Variants in PRKN observed in about 807,000 individuals in gnomAD.
PRKN encodes parkin RBR E3 ubiquitin protein ligase.
In PRKN, 56 loss-of-function variants were observed where a neutral mutation model predicts 59.5. The ratio of observed to expected loss-of-function variants is 0.94; its 90% CI spans 0.76 to 1.18. PRKN has a LOEUF of 1.18. Ranked by LOEUF, PRKN falls within the 50% of genes most tolerant of loss-of-function variation. The pLI is 0.00. For synonymous variants in PRKN, 250 were observed against 222.1 expected (o/e 1.13, Z -1.12); for missense variants, 657 against 596.4 (o/e 1.10, Z -1.06).
Position 161,444,954 on chromosome 6 carries a change from A to G in PRKN, c.1084-58077T>C, listed in dbSNP as rs1382461633. ...CCAGTCTTCATTTTCATTTATCCTT[A>G]GCATGGTCTTTTCTAAAAAGGGCAT... is the stretch of plus-strand genomic sequence containing the variant. On this transcript the variant is annotated intron_variant, in intron 9 of 11. Coordinates refer to ENST00000366898, the MANE Select transcript of PRKN (RefSeq NM_004562.3). The surrounding 1 kb of genome is among the most constrained non-coding windows in gnomAD (Gnocchi z 5.6). Among the ~76,000 whole-genome samples the G allele has an allele frequency of 6.6e-6, 1 of 152,134 alleles. No homozygotes were observed. The highest frequency in any genetic ancestry group is 1.5e-5 in the Non-Finnish European group (1 of 68,018).
intron 3 of PRKN, among the ~76,000 whole-genome samples, chr6:162,236,005 G>GAAAGAAAGAA (rs1778689300): frequency 5.5e-5 from 8 of 144,298 alleles, no homozygotes; most frequent in Admixed American, 5.5e-4. Flanking sequence ...AAGAAAGAAA[G>GAAAGAAAGAA]AAAGAAAGAA....
chr6:162,612,040 A>C (rs868746724), intron 1 of PRKN, among the ~76,000 whole-genome samples: 17 of 151,544 alleles, frequency 1.1e-4, no homozygotes, highest in Middle Eastern at 6.8e-3. Context: ...GAAAAAAAAA[A>C]AAATTAGCTG....
At chr6:161,422,204 T>C (rs1718435452) in intron 9 of PRKN, among the ~76,000 whole-genome samples, 2 of 150,020 alleles carry the variant, frequency 1.3e-5, no homozygotes, top group Admixed American at 6.6e-5. Flanking sequence ...AATCTTTTTT[T>C]TTTTTTTTTT....
chr6:162,461,779 T>A (rs1367018188), intron 1 of PRKN, among the ~76,000 whole-genome samples: 1 of 149,416 alleles, frequency 6.7e-6, no homozygotes, highest in Non-Finnish European at 1.5e-5. Context: ...TGAGCCAAGA[T>A]CACGCCACTG....
chr6:161,914,666 A>G (rs1159721446), intron 6 of PRKN, among the ~76,000 whole-genome samples: 2 of 152,116 alleles, frequency 1.3e-5, no homozygotes, highest in Non-Finnish European at 2.9e-5. Context: ...CTTTGGCCTC[A>G]TACATGGATA....
intron 6 of PRKN, among the ~76,000 whole-genome samples, chr6:161,954,798 G>A (rs1208655571): frequency 1.3e-5 from 2 of 152,158 alleles, no homozygotes; most frequent in Non-Finnish European, 2.9e-5. Context: ...CTTTATCTCT[G>A]TACAACCAGA....
Position 161,450,452 on chromosome 6 carries a change from A to G in PRKN, c.1084-63575T>C, listed in dbSNP as rs1001923940. 3.4e-4 allele frequency among the ~76,000 whole-genome samples: 52 copies of G among 152,346 alleles called. 1 individual carries two copies. Among genetic ancestry groups the G allele is most frequent in the East Asian group, 3.9e-4 (2 of 5,192 alleles). On this transcript the variant is annotated intron_variant, in intron 9 of 11. Coordinates refer to ENST00000366898, the MANE Select transcript of PRKN (RefSeq NM_004562.3). Reference sequence around the variant, plus strand: ...CATTTACCCTACTTTGCAATACATAACAATCTGCACTGGTGTTTCCAATGC... The same window carrying G: ...CATTTACCCTACTTTGCAATACATAGCAATCTGCACTGGTGTTTCCAATGC...
chr6:162,480,443 G>A (rs1450413589), intron 1 of PRKN, among the ~76,000 whole-genome samples: 1 of 152,140 alleles, frequency 6.6e-6, no homozygotes, highest in African/African-American at 2.4e-5. Flanking sequence ...GGAAGAAGAT[G>A]ACATGGAAGT....
chr6:161,735,113 G>A (rs1787909948), intron 7 of PRKN, among the ~76,000 whole-genome samples: 1 of 151,890 alleles, frequency 6.6e-6, no homozygotes, highest in Non-Finnish European at 1.5e-5. Context: ...GTAGAGAGAG[G>A]CTGAGGAGGG....
intron 9 of PRKN, among the ~76,000 whole-genome samples, chr6:161,511,061 C>G (rs1292590685): frequency 2.6e-5 from 4 of 152,170 alleles, no homozygotes; most frequent in African/African-American, 9.7e-5. Context: ...GTAATGGACT[C>G]AAACTATAAC....
At chr6:162,644,544 TA>T (rs1306651894) in intron 1 of PRKN, among the ~76,000 whole-genome samples, 1 of 152,012 alleles carries the variant, frequency 6.6e-6, no homozygotes, top group South Asian at 2.1e-4. Flanking sequence ...TAACCTTCCA[TA>T]AAAAATAACC....
chr6:161,709,282 T>C (rs1038632176), intron 7 of PRKN, among the ~76,000 whole-genome samples: 8 of 152,218 alleles, frequency 5.3e-5, no homozygotes, highest in African/African-American at 1.9e-4. Context: ...GAAAATACAA[T>C]TTTAATTACT....
intron 4 of PRKN, among the ~76,000 whole-genome samples, chr6:162,070,513 TA>T (rs1271922798): frequency 7.2e-5 from 11 of 152,122 alleles, no homozygotes; most frequent in Non-Finnish European, 1.6e-4. Context: ...ATGCTGAATA[TA>T]AGCTGAGGTC....
intron 2 of PRKN, among the ~76,000 whole-genome samples, chr6:162,308,112 T>A (rs1411356864): frequency 6.6e-6 from 1 of 152,156 alleles, no homozygotes; most frequent in African/African-American, 2.4e-5. Context: ...CCGTCACTGC[T>A]ACCAGGAACC....
At chr6:162,562,043 C>T (rs1269248969) in intron 1 of PRKN, among the ~76,000 whole-genome samples, 2 of 152,204 alleles carry the variant, frequency 1.3e-5, no homozygotes, top group East Asian at 3.9e-4. Flanking sequence ...CCCCTTCCTT[C>T]CACTTGAGGA....
intron 1 of PRKN, among the ~76,000 whole-genome samples, chr6:162,584,887 C>A (rs1358499802): frequency 1.5e-5 from 1 of 68,152 alleles, no homozygotes; most frequent in African/African-American, 5.6e-5. Flanking sequence ...CTCCCCTCCC[C>A]TCCCCTCCCC....
intron 6 of PRKN, among the ~76,000 whole-genome samples, chr6:161,897,922 G>C (rs112177019): frequency 0.036 from 4,313 of 119,274 alleles, 183 homozygotes; most frequent in African/African-American, 0.11. Context: ...AGCTGAGATC[G>C]CGCCACTGCA....
At chr6:161,615,681 G>A (rs1782666718) in intron 7 of PRKN, among the ~76,000 whole-genome samples, 2 of 152,352 alleles carry the variant, frequency 1.3e-5, no homozygotes, top group Middle Eastern at 3.4e-3. Flanking sequence ...AGGGGGTCAT[G>A]TGATACAACC....
At chr6:162,066,291 A>G (rs1778333085) in intron 4 of PRKN, among the ~76,000 whole-genome samples, 1 of 152,184 alleles carries the variant, frequency 6.6e-6, no homozygotes, top group Non-Finnish European at 1.5e-5. Flanking sequence ...GAATCAAGTC[A>G]ACACCTAATA....
Sources: allele counts gnomAD v4.1 joint callset (sites outside exome capture counted in the v4.1 genomes callset), GRCh38; gene constraint gnomAD v4.1.1; non-coding constraint Gnocchi (gnomAD v3.1); transcripts MANE v1.5; gene names NCBI Gene and HGNC (gene_info 2026-07-23, HGNC 2026-07-21).